PTPRD: variants seen among roughly 807,000 people sequenced by gnomAD.
The protein encoded by PTPRD is receptor-type tyrosine-protein phosphatase delta.
PTPRD carries 34 observed loss-of-function variants against 214.5 expected under a neutral mutation model. The observed-to-expected ratio is 0.16, with a 90% CI of 0.12 to 0.21. PTPRD has a LOEUF of 0.21. Among genes scored for constraint, PTPRD ranks in the 10% least tolerant of loss-of-function variants. The pLI is 1.00. For missense variants in PTPRD, 2,545 were observed against 2,398.7 expected (o/e 1.06, Z -1.27); for synonymous variants, 1,128 against 845.7 (o/e 1.33, Z -5.79).
intron 44 of PTPRD, among the ~76,000 whole-genome samples, chr9:8,329,188 T>A (rs749342373): frequency 1.1e-4 from 16 of 152,148 alleles, no homozygotes; most frequent in Non-Finnish European, 1.9e-4. Context: ...TGACCTTTGA[T>A]GATGGTGACC....
At chr9:8,709,577 G>C (rs1488713416) in intron 12 of PTPRD, among the ~76,000 whole-genome samples, 1 of 150,254 alleles carries the variant, frequency 6.7e-6, no homozygotes, top group Non-Finnish European at 1.5e-5. Context: ...TGGATGTAAA[G>C]TGTTCTCATA....
rs114566515 is a variant in PTPRD at position 8,835,172 on chromosome 9, T to C, written c.-103-101226A>G. ...GACGAAGAAACGAAATGACCCCAGC[T>C]CCTGGCATAGCTAGACATCACCTGA... On this transcript the variant is annotated intron_variant, in intron 11 of 45. Transcript: ENST00000381196. 7.4e-3 allele frequency among the ~76,000 whole-genome samples: 1,129 copies of C among 152,298 alleles called. 16 individuals are homozygous for C. Among genetic ancestry groups the C allele is most frequent in the African/African-American group, 0.025 (1,060 of 41,570 alleles).
intron 7 of PTPRD, among the ~76,000 whole-genome samples, chr9:9,680,199 C>T (rs2097035900): frequency 5.3e-5 from 8 of 151,772 alleles, no homozygotes; most frequent in Admixed American, 4.6e-4. Context: ...ACAACTATTT[C>T]TCCACTTAAA....
intron 12 of PTPRD, among the ~76,000 whole-genome samples, chr9:8,717,868 C>T (rs187123351): frequency 2.4e-3 from 371 of 152,292 alleles, no homozygotes; most frequent in Non-Finnish European, 3.9e-3. Context: ...CCTGTAAATT[C>T]CAATAAGGAA....
chr9:9,870,140 G>C (rs1442746885), intron 5 of PTPRD, among the ~76,000 whole-genome samples: 1 of 151,884 alleles, frequency 6.6e-6, no homozygotes, highest in Non-Finnish European at 1.5e-5. Flanking sequence ...CTCTAAGATT[G>C]GTAAAAAGGT....
At chr9:8,844,999 T>C (rs145921518) in intron 11 of PTPRD, among the ~76,000 whole-genome samples, 1 of 152,288 alleles carries the variant, frequency 6.6e-6, no homozygotes, top group African/African-American at 2.4e-5. Flanking sequence ...AATTTGTCAG[T>C]GCAAATTATA....
At position 8,827,776 on chromosome 9, in the gene PTPRD, T is replaced by A. The variant is rs367810126; in HGVS notation, c.-103-93830A>T. 1.4e-4 allele frequency among the ~76,000 whole-genome samples: 22 copies of A among 152,316 alleles called. No individual in the cohort carries two copies. In the East Asian group the frequency reaches 3.7e-3, roughly 25 times the overall value. ...AAGATTTATTATTGTTTACTAGTGA[T>A]TATTAAAATTTATGAATTAAACTAA... On this transcript the variant is annotated intron_variant, in intron 11 of 45. Coordinates refer to ENST00000381196, the MANE Select transcript of PTPRD (RefSeq NM_002839.4).
At chr9:10,164,677 T>A (rs1294874683) in intron 3 of PTPRD, among the ~76,000 whole-genome samples, 1 of 151,622 alleles carries the variant, frequency 6.6e-6, no homozygotes, top group Non-Finnish European at 1.5e-5. Context: ...TATCAAAGAT[T>A]TATTTGAAAG....
chr9:10,423,647 GT>G (rs1353754842), intron 2 of PTPRD, among the ~76,000 whole-genome samples: 1 of 151,862 alleles, frequency 6.6e-6, no homozygotes, highest in East Asian at 1.9e-4. Context: ...AGTGTAAGGT[GT>G]TTTTTAGAGA....
intron 11 of PTPRD, among the ~76,000 whole-genome samples, chr9:8,760,343 A>G (rs1051962874): frequency 1.3e-5 from 2 of 152,302 alleles, no homozygotes; most frequent in Admixed American, 6.5e-5. Flanking sequence ...AGTGAGATCA[A>G]TATTCATGTT....
intron 2 of PTPRD, among the ~76,000 whole-genome samples, chr9:10,426,186 C>G (rs657964): frequency 0.18 from 27,223 of 151,774 alleles, 3,426 homozygotes; most frequent in East Asian, 0.58. Flanking sequence ...TGGTGTTATT[C>G]CTAAAATCAG....
At chr9:10,563,668 G>A (rs1387964170) in intron 2 of PTPRD, among the ~76,000 whole-genome samples, 4 of 108,596 alleles carry the variant, frequency 3.7e-5, no homozygotes, top group African/African-American at 1.2e-4. Context: ...TGTTATCATC[G>A]TTATTTTTTT....
At chr9:10,244,780 C>A (rs2091797922) in intron 3 of PTPRD, among the ~76,000 whole-genome samples, 1 of 152,076 alleles carries the variant, frequency 6.6e-6, no homozygotes, top group African/African-American at 2.4e-5. Flanking sequence ...TTTAATGGAA[C>A]AGTGATTTTA....
At chr9:10,020,096 G>A (rs1053642778) in intron 4 of PTPRD, among the ~76,000 whole-genome samples, 21 of 152,022 alleles carry the variant, frequency 1.4e-4, no homozygotes, top group African/African-American at 5.1e-4. Context: ...CCTTACTTTT[G>A]TGATTTGAAG....
chr9:10,061,744 G>A (rs185166565), intron 3 of PTPRD, among the ~76,000 whole-genome samples: 1 of 152,126 alleles, frequency 6.6e-6, no homozygotes, highest in East Asian at 1.9e-4. Flanking sequence ...AATAGTTTAG[G>A]GCTGCGGAAT....
rs899815691 is a variant in PTPRD, at chr9:8,500,506, C to CCAA, written c.2128+245_2128+247dup. ...GGGCTGGACTGCAAGACCATAGGAG[C>CCAA]CAACAGTTCTTTTAAAGAGAAGCAA... is the stretch of plus-strand genomic sequence containing the variant. On this transcript the variant is annotated intron_variant, in intron 24 of 45. Transcript: ENST00000381196. Among the ~76,000 whole-genome samples, 29 of 121,552 alleles carry CCAA rather than the reference C, an allele frequency of 2.4e-4. No homozygotes were observed. In the Middle Eastern group the frequency reaches 0.021, roughly 86 times the overall value. The allele number at this position is 121,552 out of a possible 152,430, so 79.7% of individuals were successfully genotyped here. A position where few individuals can be genotyped will look rare whatever the true frequency, so the allele number is the denominator to read the frequency against.
At chr9:9,627,889 T>C (rs897352318) in intron 7 of PTPRD, among the ~76,000 whole-genome samples, 1 of 151,974 alleles carries the variant, frequency 6.6e-6, no homozygotes, top group African/African-American at 2.4e-5. Context: ...TTAGAGAAGT[T>C]AGAGAAAAAG....
chr9:9,017,096 C>A (rs2099538929), intron 11 of PTPRD, among the ~76,000 whole-genome samples: 1 of 152,000 alleles, frequency 6.6e-6, no homozygotes, highest in Admixed American at 6.6e-5. Flanking sequence ...GACACTGCGA[C>A]TATTAGTAAG....
At chr9:9,914,235 C>A (rs905666491) in intron 5 of PTPRD, among the ~76,000 whole-genome samples, 3 of 152,188 alleles carry the variant, frequency 2.0e-5, no homozygotes, top group Non-Finnish European at 2.9e-5. Context: ...TGAGAAACAG[C>A]CCCACAGCAA....
Sources: allele counts gnomAD v4.1 joint callset (sites outside exome capture counted in the v4.1 genomes callset), GRCh38; gene constraint gnomAD v4.1.1; transcripts MANE v1.5; gene names NCBI Gene and HGNC (gene_info 2026-07-23, HGNC 2026-07-21).